The following RBM5 variants were observed in gnomAD, a reference collection of about 807,000 sequenced individuals.
The protein encoded by RBM5 is RNA binding motif protein 5, also known as RNA-binding protein 5.
Under a neutral mutation model 124.6 loss-of-function variants are expected in RBM5, and 15 were observed. The observed-to-expected ratio is 0.12, with a 90% CI of 0.08 to 0.19. The LOEUF (loss-of-function observed/expected upper bound fraction) is 0.19. Ranked by LOEUF, RBM5 falls within the 10% of genes least tolerant of loss-of-function variation. The pLI is 1.00. For synonymous variants in RBM5, 337 were observed against 361.2 expected (o/e 0.93, Z 0.76); for missense variants, 580 against 1,026.5 (o/e 0.57, Z 5.94).
chr3:50,103,588 A>G (rs545139064), intron 7 of RBM5, among the ~76,000 whole-genome samples: 8 of 152,256 alleles, frequency 5.3e-5, no homozygotes, highest in African/African-American at 7.2e-5. Flanking sequence ...AGAGGTTGCA[A>G]TGAGCCAAGA....
intron 10 of RBM5, 71 bp downstream of exon 10, chr3:50,105,780 T>C: frequency 6.5e-7 from 1 of 1,530,926 alleles, no homozygotes; most frequent in Non-Finnish European, 8.9e-7. Context: ...TCATCCAGTT[T>C]TGAAACTGTC....
chr3:50,112,128 G>A (rs1364228448), intron 17 of RBM5: 2 of 148,580 alleles, frequency 1.3e-5, no homozygotes, highest in African/African-American at 5.0e-5. Context: ...CTGTAGGCTG[G>A]GCGCAGTGGC....
Position 50,114,095 on chromosome 3 carries a change from A to G in RBM5, c.1763A>G (p.Lys588Arg). Residue 588 changes from lysine to arginine, a missense_variant, in exon 19 of 25, where the codon AAG (lysine) becomes AGG (arginine). Physicochemically the swap from Lys to Arg is conservative, Grantham distance 26 (BLOSUM62 2). Transcript: ENST00000347869. ...AADAGFALFE[K>R]KGALAERQQL... ...GACGCTGGCTTTGCTCTCTTTGAGA[A>G]GAAGGTAATAGCAGGAATGGCCAGT... 1 of 1,614,204 alleles carries G rather than the reference A, an allele frequency of 6.2e-7. No individual in the cohort carries two copies. Among genetic ancestry groups the G allele is most frequent in the Non-Finnish European group, 8.5e-7 (1 of 1,180,028 alleles).
intron 8 of RBM5, 52 bp from the exon 9 acceptor site, chr3:50,105,025 T>C (rs1337705325): frequency 7.8e-7 from 1 of 1,275,434 alleles, no homozygotes; most frequent in African/African-American, 1.5e-5. Context: ...TGTATTTCTT[T>C]GGTGAAAATA....
chr3:50,094,220 A>ATG, intron 4 of RBM5: 1 of 161,716 alleles, frequency 6.2e-6, no homozygotes, highest in Non-Finnish European at 1.4e-5. Context: ...GCAGTGGTAC[A>ATG]ACCTCGGCTC....
intron 10 of RBM5, 28 bp from the exon 11 acceptor site, chr3:50,106,739 C>T (rs377613023): frequency 2.2e-5 from 33 of 1,491,332 alleles, no homozygotes; most frequent in East Asian, 4.5e-5. Context: ...TTGCATTACA[C>T]GTTTTTTTCC....
At chr3:50,116,703 T>G (rs2091258805) in intron 22 of RBM5, 1 of 298,884 alleles carries the variant, frequency 3.3e-6, no homozygotes, top group Non-Finnish European at 6.5e-6. Context: ...AGGTATGCCT[T>G]TCCAAATGTT....
intron 21 of RBM5, 71 bp downstream of exon 21, chr3:50,115,678 C>G: frequency 6.6e-7 from 1 of 1,505,426 alleles, no homozygotes. Flanking sequence ...CCCTAACAGT[C>G]CTGACGGTTC....
intron 7 of RBM5, 107 bp from the exon 8 acceptor site, chr3:50,104,141 C>G (rs571769101): frequency 1.1e-6 from 1 of 874,344 alleles, no homozygotes; most frequent in South Asian, 1.5e-5. Context: ...GTGAGACTTT[C>G]TGCTTTTCTG....
intron 2 of RBM5, among the ~76,000 whole-genome samples, chr3:50,090,969 GAAGA>G (rs1421435238): frequency 6.6e-6 from 1 of 152,240 alleles, no homozygotes; most frequent in African/African-American, 2.4e-5. Context: ...TGTGTTACAT[GAAGA>G]AAGAAAGAGC....
At position 50,092,216 on chromosome 3, in the gene RBM5, A is replaced by T. The variant is rs763320861; in HGVS notation, c.183+8A>T. The stretch of plus-strand genomic sequence containing the variant: ...GACTATGACAGTCCAGAGGTGAGTG[A>T]CCAGCGGCTGTATAACCCCCCAAAA... On this transcript the variant is annotated splice_region_variant and intron_variant, in intron 3 of 24. Transcript: ENST00000347869. The T allele has an allele frequency of 2.5e-6, 4 of 1,611,036 alleles. No homozygotes were observed. In the South Asian group the frequency reaches 4.4e-5, roughly 18 times the overall value.
intron 11 of RBM5, 77 bp downstream of exon 11, chr3:50,106,941 T>C: frequency 1.6e-6 from 2 of 1,226,504 alleles, no homozygotes; most frequent in Non-Finnish European, 2.4e-6. Context: ...ACGCCAAGCC[T>C]GTGCCCCAAG....
At chr3:50,104,932 G>A (rs2091001674) in intron 8 of RBM5, 145 bp from the exon 9 acceptor site, 2 of 615,122 alleles carry the variant, frequency 3.3e-6, no homozygotes, top group Admixed American at 2.8e-5. Context: ...CAATTAATGA[G>A]GTTTTACTAT....
chr3:50,115,025 A>G (rs2091218553), intron 20 of RBM5: 1 of 181,518 alleles, frequency 5.5e-6, no homozygotes, highest in Non-Finnish European at 1.1e-5. Context: ...AAGATTAGCC[A>G]GGGGTGGTGA....
chr3:50,097,085 C>G (rs991390919), intron 4 of RBM5, among the ~76,000 whole-genome samples: 2 of 152,052 alleles, frequency 1.3e-5, no homozygotes, highest in African/African-American at 4.8e-5. Flanking sequence ...AAAAGTCTAG[C>G]TAAGCCTAAA....
rs752810326 is a variant in RBM5 at position 50,115,938 on chromosome 3, G to A, written c.2052G>A (p.Leu684=). The change falls in exon 22 of 25, where the codon CTG becomes CTA. Residue 684 remains leucine, a synonymous_variant. Coordinates refer to ENST00000347869, the MANE Select transcript of RBM5 (RefSeq NM_005778.4). ...TGGACATCTATCGACGATCCAGGCT[G>A]AGCGAGCAGGAGCTGGAAGCCTTGG... The part of the protein sequence containing the change: ...QNMDIYRRSR[L]SEQELEALEL... 6.2e-7 allele frequency: 1 copy of A among 1,614,026 alleles called. No individual in the cohort carries two copies. The highest frequency in any genetic ancestry group is 1.7e-5 in the Admixed American group (1 of 60,018).
At position 50,117,210 on chromosome 3, in the gene RBM5, C is replaced by A; in HGVS notation, c.2192+39C>A. On this transcript the variant is annotated intron_variant, in intron 23 of 24. Transcript: ENST00000347869. This position sits in a 1 kb window ranked among gnomAD's most constrained non-coding sequence, Gnocchi z 4.2. The stretch of plus-strand genomic sequence containing the variant: ...ACATTTTCCAGTTCGTAAGCTGGGG[C>A]CCTGGCTGTTTTAAGTAACTGTGTG... 1 of 1,614,170 alleles carries A rather than the reference C, an allele frequency of 6.2e-7. No individual in the cohort carries two copies. Among genetic ancestry groups the A allele is most frequent in the African/African-American group, 1.3e-5 (1 of 75,042 alleles).
At chr3:50,110,518 T>C (rs1477660242) in intron 16 of RBM5, 55 bp downstream of exon 16, 2 of 1,551,974 alleles carry the variant, frequency 1.3e-6, no homozygotes, top group African/African-American at 2.7e-5. Flanking sequence ...TTGTTGTCTT[T>C]GTTTAATGAG....
chr3:50,110,501 G>T, intron 16 of RBM5, 38 bp downstream of exon 16: 8 of 1,581,096 alleles, frequency 5.1e-6, no homozygotes, highest in African/African-American at 1.3e-5. Context: ...CAGTTGGAAG[G>T]TCTTAGTTGT....
Sources: gnomAD v4.1 joint callset for allele counts (sites outside exome capture counted in the v4.1 genomes callset) on GRCh38, gnomAD v4.1.1 for gene constraint, Gnocchi (gnomAD v3.1) non-coding constraint, MANE v1.5 for transcripts, NCBI Gene and HGNC (gene_info 2026-07-23, HGNC 2026-07-21) for gene names.